The following FBXO21 variants were observed in gnomAD, a reference collection of about 807,000 sequenced individuals.
FBXO21 encodes F-box protein 21, also known as F-box only protein 21.
Under a neutral mutation model 76.6 loss-of-function variants are expected in FBXO21, and 32 were observed. The observed-to-expected ratio is 0.42, with a 90% CI of 0.32 to 0.56. FBXO21 has a LOEUF of 0.56. FBXO21 is among the 20% of genes least tolerant of loss of function. FBXO21 has a pLI of 0.16. For synonymous variants in FBXO21, 328 were observed against 311.5 expected (o/e 1.05, Z -0.56); for missense variants, 586 against 797.3 (o/e 0.73, Z 3.19).
intron 3 of FBXO21, among the ~76,000 whole-genome samples, chr12:117,184,298 T>A (rs1956262538): frequency 6.6e-6 from 1 of 152,196 alleles, no homozygotes; most frequent in Non-Finnish European, 1.5e-5. Context: ...ACATTTTTTG[T>A]GATAGCAAGT....
At chr12:117,167,634 G>A (rs758659337) in intron 7 of FBXO21, among the ~76,000 whole-genome samples, 3 of 152,194 alleles carry the variant, frequency 2.0e-5, no homozygotes, top group East Asian at 1.9e-4. Flanking sequence ...CCAGCTACTC[G>A]GGAGGCTGAG....
At chr12:117,166,869 G>A in intron 8 of FBXO21, 29 bp downstream of exon 8, 1 of 1,602,310 alleles carries the variant, frequency 6.2e-7, no homozygotes, top group Non-Finnish European at 8.6e-7. Context: ...GTGCTCTGCA[G>A]AAGTACTAGA....
At position 117,146,281 on chromosome 12, in the gene FBXO21, TTGG is replaced by T; in HGVS notation, c.1676-7_1676-5del. The T allele has an allele frequency of 6.2e-7, 1 of 1,600,064 alleles. No individual in the cohort carries two copies. The highest frequency in any genetic ancestry group is 1.1e-5 in the South Asian group (1 of 88,454). On this transcript the variant is annotated splice_polypyrimidine_tract_variant and splice_region_variant and intron_variant, in intron 11 of 11. Transcript: ENST00000622495. ...TCCACGTTATATTCCAAGTTTTCTGTTGGTAAAGAGGCACACGGGCATTCTCAT... is the reference window on the plus strand; with the variant it reads ...TCCACGTTATATTCCAAGTTTTCTGTTAAAGAGGCACACGGGCATTCTCAT...
At position 117,144,360 on chromosome 12, in the gene FBXO21, C is replaced by A. The variant is rs1955745235; in HGVS notation, c.*1727G>T. ...TACGTTTCCAGATGCAGGTTCAAAT[C>A]CTTTGACTTTGGATTTGACTGATGA... On this transcript the variant is annotated 3_prime_UTR_variant, in exon 12 of 12. Coordinates refer to ENST00000622495, the MANE Select transcript of FBXO21 (RefSeq NM_015002.3). 6.6e-6 allele frequency: 1 copy of A among 152,164 alleles called. No homozygotes were observed. The highest frequency in any genetic ancestry group is 1.5e-5 in the Non-Finnish European group (1 of 68,036). 9.4% of individuals were successfully genotyped at this position (152,164 alleles called of 1,614,324 possible).
chr12:117,152,195 G>A (rs1244656396), intron 11 of FBXO21, among the ~76,000 whole-genome samples: 1 of 152,172 alleles, frequency 6.6e-6, no homozygotes, highest in African/African-American at 2.4e-5. Flanking sequence ...GGCCAGGCAC[G>A]GTGGCTCACA....
intron 4 of FBXO21, among the ~76,000 whole-genome samples, chr12:117,175,797 G>T (rs1442246738): frequency 1.3e-5 from 2 of 152,204 alleles, no homozygotes; most frequent in African/African-American, 4.8e-5. Context: ...AGAGCCAACT[G>T]TCATTCACTC....
At chr12:117,182,749 G>C (rs1237398785) in intron 3 of FBXO21, among the ~76,000 whole-genome samples, 18 of 151,812 alleles carry the variant, frequency 1.2e-4, no homozygotes, top group Admixed American at 1.2e-3. Context: ...TTTTAGTAGA[G>C]GCAGGGTTTT....
intron 9 of FBXO21, among the ~76,000 whole-genome samples, chr12:117,160,992 T>C (rs1955970077): frequency 6.6e-6 from 1 of 152,062 alleles, no homozygotes; most frequent in Non-Finnish European, 1.5e-5. Context: ...GGCCAGGAAT[T>C]GTGTTGAGAG....
At chr12:117,183,982 C>T (rs1592897647) in intron 3 of FBXO21, among the ~76,000 whole-genome samples, 1 of 151,998 alleles carries the variant, frequency 6.6e-6, no homozygotes, top group Admixed American at 6.6e-5. Flanking sequence ...TTCTGGGATG[C>T]ATTTGTCAAT....
chr12:117,150,871 C>CTCTGTGTGTGTGTGTGTGTGTG (rs1555239212), intron 11 of FBXO21, among the ~76,000 whole-genome samples: 1 of 127,630 alleles, frequency 7.8e-6, no homozygotes, highest in African/African-American at 3.0e-5. Context: ...TGGCCATGGA[C>CTCTGTGTGTGTGTGTGTGTGTG]TGTGTGTGTG....
At chr12:117,181,010 A>G (rs1452103321) in intron 3 of FBXO21, among the ~76,000 whole-genome samples, 1 of 152,234 alleles carries the variant, frequency 6.6e-6, no homozygotes, top group African/African-American at 2.4e-5. Flanking sequence ...TTATACTGAC[A>G]TGTCTTACAG....
At chr12:117,181,573 A>C (rs1592895388) in intron 3 of FBXO21, among the ~76,000 whole-genome samples, 1 of 138,114 alleles carries the variant, frequency 7.2e-6, no homozygotes, top group Non-Finnish European at 1.5e-5. Context: ...CAGTCTATCG[A>C]TCGATCGATC....
intron 11 of FBXO21, chr12:117,154,260 AC>A (rs1955884862): frequency 6.6e-6 from 1 of 152,192 alleles, no homozygotes; most frequent in Non-Finnish European, 1.5e-5. Context: ...GAGCACAGAA[AC>A]CCCTTACACC....
chr12:117,142,107 C>CT lies in FBXO21; in HGVS notation c.*3979dup, dbSNP rs1955723455. On this transcript the variant is annotated 3_prime_UTR_variant, in exon 12 of 12. Transcript: ENST00000622495. ...TAATTTTATTCACCGGAGGGACGTCCTTTACTTTCAAGATTCTAAATTTTT... is the reference window on the plus strand; with the variant it reads ...TAATTTTATTCACCGGAGGGACGTCCTTTTACTTTCAAGATTCTAAATTTTT... 1 of 145,224 alleles carries CT rather than the reference C, an allele frequency of 6.9e-6. No individual in the cohort carries two copies. Among genetic ancestry groups the CT allele is most frequent in the Non-Finnish European group, 1.5e-5 (1 of 64,738 alleles). The allele number at this position is 145,224 out of a possible 1,614,324, so 9.0% of individuals were successfully genotyped here.
At chr12:117,149,041 C>G (rs1267768453) in intron 11 of FBXO21, among the ~76,000 whole-genome samples, 1 of 150,642 alleles carries the variant, frequency 6.6e-6, no homozygotes, top group Non-Finnish European at 1.5e-5. Context: ...TGCCACCTCC[C>G]TCTTCACATC....
intron 10 of FBXO21, 82 bp downstream of exon 10, chr12:117,157,791 C>T: frequency 7.8e-7 from 1 of 1,289,024 alleles, no homozygotes; most frequent in Non-Finnish European, 1.1e-6. Context: ...TCCACTGTGT[C>T]CTGGGGGCTC....
chr12:117,155,655 A>G, intron 11 of FBXO21, 136 bp downstream of exon 11: 1 of 998,668 alleles, frequency 1.0e-6, no homozygotes, highest in Non-Finnish European at 1.5e-6. Flanking sequence ...TGTGGGCCCG[A>G]AGGAGGCCGG....
chr12:117,152,645 C>A (rs774696842), intron 11 of FBXO21, among the ~76,000 whole-genome samples: 1 of 151,938 alleles, frequency 6.6e-6, no homozygotes, highest in Non-Finnish European at 1.5e-5. Flanking sequence ...AAGAAACAAG[C>A]CAAAAATAGG....
intron 1 of FBXO21, among the ~76,000 whole-genome samples, chr12:117,189,583 G>C (rs1441595666): frequency 1.3e-5 from 2 of 152,028 alleles, no homozygotes; most frequent in East Asian, 3.9e-4. Flanking sequence ...TCTCTAAAAT[G>C]GGGACAGTTG....
Sources: gnomAD v4.1 joint callset for allele counts (sites outside exome capture counted in the v4.1 genomes callset) on GRCh38, gnomAD v4.1.1 for gene constraint, MANE v1.5 for transcripts, NCBI Gene and HGNC (gene_info 2026-07-23, HGNC 2026-07-21) for gene names.